The following FSTL4 variants were observed in gnomAD, a reference collection of about 807,000 sequenced individuals.
FSTL4 encodes the protein follistatin-related protein 4.
FSTL4 carries 28 observed loss-of-function variants against 78.2 expected under a neutral mutation model. That is an observed-to-expected ratio of 0.36 (90% confidence interval 0.27 to 0.49). The LOEUF (loss-of-function observed/expected upper bound fraction) is 0.49, where lower values mean the gene tolerates loss of function less well. Among genes scored for constraint, FSTL4 ranks in the 20% least tolerant of loss-of-function variants. FSTL4 has a pLI of 0.98. For missense variants in FSTL4, 922 were observed against 1,084.9 expected (o/e 0.85, Z 2.11); for synonymous variants, 422 against 440.5 (o/e 0.96, Z 0.53).
chr5:133,398,847 G>C (rs1413259387), intron 4 of FSTL4, among the ~76,000 whole-genome samples: 1 of 152,186 alleles, frequency 6.6e-6, no homozygotes, highest in Non-Finnish European at 1.5e-5. Context: ...CACCAAAAAG[G>C]GGTCCTTAAG....
chr5:133,661,205 G>C, the FSTL4 span, among the ~76,000 whole-genome samples: 1 of 152,284 alleles, frequency 6.6e-6, no homozygotes, highest in Middle Eastern at 3.4e-3. Flanking sequence ...GGCCAGGCTG[G>C]TCTCGAACTC....
the FSTL4 span, among the ~76,000 whole-genome samples, chr5:133,718,130 T>C: frequency 6.6e-6 from 1 of 152,038 alleles, no homozygotes; most frequent in South Asian, 2.1e-4. Flanking sequence ...TCTCACTCTG[T>C]CACCCAGGCT....
intron 14 of FSTL4, among the ~76,000 whole-genome samples, chr5:133,203,237 A>G (rs1262645785): frequency 6.6e-6 from 1 of 152,094 alleles, no homozygotes; most frequent in Non-Finnish European, 1.5e-5. Flanking sequence ...TTTTCTAATC[A>G]TGATATTGTG....
chr5:133,316,795 G>A, intron 4 of FSTL4, 143 bp from the exon 5 acceptor site: 2 of 604,034 alleles, frequency 3.3e-6, no homozygotes, highest in Non-Finnish European at 5.7e-6. Flanking sequence ...GTCGTCGATG[G>A]GACTTGTTTG....
At chr5:133,269,047 T>C (rs1330001189) in intron 6 of FSTL4, among the ~76,000 whole-genome samples, 2 of 151,862 alleles carry the variant, frequency 1.3e-5, no homozygotes, top group Non-Finnish European at 2.9e-5. Context: ...CCGGGCATGG[T>C]GGCGGGCGCC....
the FSTL4 span, among the ~76,000 whole-genome samples, chr5:133,788,901 A>G: frequency 6.6e-6 from 1 of 152,156 alleles, no homozygotes; most frequent in Non-Finnish European, 1.5e-5. Flanking sequence ...TTTTTATTGG[A>G]AGAAGGTGTT....
At chr5:133,681,545 T>C in the FSTL4 span, among the ~76,000 whole-genome samples, 1 of 152,130 alleles carries the variant, frequency 6.6e-6, no homozygotes, top group East Asian at 1.9e-4. Flanking sequence ...GGGGAGAATG[T>C]CTGATCATCC....
chr5:133,425,232 A>T (rs1246242728), intron 3 of FSTL4, among the ~76,000 whole-genome samples: 1 of 145,082 alleles, frequency 6.9e-6, no homozygotes, highest in East Asian at 1.9e-4. Context: ...TGACCTAAAA[A>T]AAAAGGTACC....
At chr5:133,567,273 T>TA in intron 2 of FSTL4, 54 bp from the exon 3 acceptor site, 1 of 1,219,414 alleles carries the variant, frequency 8.2e-7, no homozygotes, top group Non-Finnish European at 1.2e-6. Flanking sequence ...TATGTACAGA[T>TA]ACTTGCAAAT....
chr5:133,569,295 T>C (rs1034731195), intron 2 of FSTL4, among the ~76,000 whole-genome samples: 2 of 152,244 alleles, frequency 1.3e-5, no homozygotes, highest in African/African-American at 4.8e-5. Context: ...TCTCAACCCA[T>C]GTTAGGCGTT....
At chr5:133,331,126 A>G (rs1020613704) in intron 4 of FSTL4, among the ~76,000 whole-genome samples, 1 of 152,170 alleles carries the variant, frequency 6.6e-6, no homozygotes, top group African/African-American at 2.4e-5. Context: ...CCCCGCTGAG[A>G]GGGAAAGCAG....
At chr5:133,756,450 A>G in the FSTL4 span, among the ~76,000 whole-genome samples, 1 of 152,090 alleles carries the variant, frequency 6.6e-6, no homozygotes, top group South Asian at 2.1e-4. Context: ...AAGGGGTTCA[A>G]TCTGGCTGCT....
At chr5:133,501,780 T>G (rs1561447728) in intron 3 of FSTL4, among the ~76,000 whole-genome samples, 1 of 152,226 alleles carries the variant, frequency 6.6e-6, no homozygotes, top group Non-Finnish European at 1.5e-5. Flanking sequence ...GTTGAAGTCC[T>G]AACTTCCAGT....
At chr5:133,580,976 G>A (rs1030496849) in intron 2 of FSTL4, among the ~76,000 whole-genome samples, 1 of 152,144 alleles carries the variant, frequency 6.6e-6, no homozygotes, top group Non-Finnish European at 1.5e-5. Context: ...CACCATGTGT[G>A]CCTCACTCAG....
chr5:133,469,802 C>T (rs571497030), intron 3 of FSTL4, among the ~76,000 whole-genome samples: 4 of 152,230 alleles, frequency 2.6e-5, no homozygotes, highest in African/African-American at 7.2e-5. Flanking sequence ...CCTCAGTCCA[C>T]AGCCCACAGC....
At chr5:133,827,703 C>A in the FSTL4 span, among the ~76,000 whole-genome samples, 190 of 151,788 alleles carry the variant, frequency 1.3e-3, no homozygotes, top group African/African-American at 4.3e-3. Context: ...TGGGTTTCTT[C>A]CACACTATCT....
chr5:133,223,532 G>A (rs531889194), intron 11 of FSTL4, among the ~76,000 whole-genome samples: 1 of 152,210 alleles, frequency 6.6e-6, no homozygotes, highest in East Asian at 1.9e-4. Flanking sequence ...GACACAGTGG[G>A]GACTGGGACC....
intron 7 of FSTL4, among the ~76,000 whole-genome samples, chr5:133,242,203 G>A (rs953923937): frequency 4.6e-5 from 7 of 152,226 alleles, no homozygotes; most frequent in African/African-American, 9.7e-5. Context: ...GGGCTGGGGA[G>A]GGGGAGTCCA....
At chr5:133,507,764 G>A (rs935631677) in intron 3 of FSTL4, among the ~76,000 whole-genome samples, 8 of 151,618 alleles carry the variant, frequency 5.3e-5, no homozygotes, top group Admixed American at 3.3e-4. Context: ...CTCATGATCC[G>A]CCCTCCTCGG....
Sources: gnomAD v4.1 joint callset for allele counts (sites outside exome capture counted in the v4.1 genomes callset) on GRCh38, gnomAD v4.1.1 for gene constraint, MANE v1.5 for transcripts, NCBI Gene and HGNC (gene_info 2026-07-23, HGNC 2026-07-21) for gene names.